The following CSMD1 variants were observed in gnomAD, a reference collection of about 807,000 sequenced individuals.
CSMD1 encodes the protein CUB and Sushi multiple domains 1.
In CSMD1, 213 loss-of-function variants were observed where a neutral mutation model predicts 417.5. That is an observed-to-expected ratio of 0.51 (90% confidence interval 0.46 to 0.57). The LOEUF is 0.57. Ranked by LOEUF, CSMD1 falls within the 20% of genes least tolerant of loss-of-function variation. The probability of loss-of-function intolerance (pLI) is 0.00; values close to 1 mark genes in which losing one functional copy is unlikely to be tolerated. For synonymous variants in CSMD1, 2,862 were observed against 1,736.8 expected (o/e 1.65, Z -16.11); for missense variants, 6,923 against 4,529.7 (o/e 1.53, Z -15.17).
chr8:4,388,843 T>G (rs1262012199), intron 3 of CSMD1, among the ~76,000 whole-genome samples: 1 of 152,238 alleles, frequency 6.6e-6, no homozygotes, highest in Non-Finnish European at 1.5e-5. Flanking sequence ...CCCTTTGATT[T>G]AAAAACCATT....
chr8:4,538,577 A>C (rs2130501904), intron 2 of CSMD1, among the ~76,000 whole-genome samples: 1 of 152,200 alleles, frequency 6.6e-6, no homozygotes, highest in African/African-American at 2.4e-5. Flanking sequence ...CAGGAGTTGG[A>C]CGTTGCAGTG....
At chr8:4,420,210 G>C (rs1797170484) in intron 2 of CSMD1, 145 bp from the exon 3 acceptor site, 1 of 506,134 alleles carries the variant, frequency 2.0e-6, no homozygotes, top group Non-Finnish European at 3.6e-6. Context: ...CATACACATA[G>C]CTTTGGTTGT....
At chr8:3,785,163 G>T (rs940680638) in intron 5 of CSMD1, among the ~76,000 whole-genome samples, 1 of 152,156 alleles carries the variant, frequency 6.6e-6, no homozygotes, top group Non-Finnish European at 1.5e-5. Flanking sequence ...TGGCCTTAGT[G>T]CCTGTCTGCA....
rs73500672 is a variant in CSMD1 at position 4,289,173 on chromosome 8, A to G, written c.415+130780T>C. On this transcript the variant is annotated intron_variant, in intron 3 of 69. Coordinates refer to ENST00000635120, the MANE Select transcript of CSMD1 (RefSeq NM_033225.6). The stretch of plus-strand genomic sequence containing the variant: ...CCCGTTCTAAGACAGTGTATATTAT[A>G]TAACAGTTTATCGGACAAATACTCT... Among the ~76,000 whole-genome samples the G allele has an allele frequency of 1.3e-3, 192 of 152,336 alleles. 1 individual carries two copies. Among genetic ancestry groups the G allele is most frequent in the African/African-American group, 4.4e-3 (181 of 41,584 alleles).
chr8:4,702,929 A>T (rs1027217548), intron 1 of CSMD1, among the ~76,000 whole-genome samples: 1 of 152,206 alleles, frequency 6.6e-6, no homozygotes, highest in Non-Finnish European at 1.5e-5. Context: ...GACTTCTAAA[A>T]TGACAAAATT....
chr8:4,918,216 G>C (rs759248779), intron 1 of CSMD1, among the ~76,000 whole-genome samples: 2 of 152,336 alleles, frequency 1.3e-5, no homozygotes, highest in African/African-American at 4.8e-5. Context: ...GATGCTGATC[G>C]AGGGATCAAG....
chr8:3,112,041 C>T (rs78460091), intron 42 of CSMD1, among the ~76,000 whole-genome samples: 16 of 151,884 alleles, frequency 1.1e-4, no homozygotes, highest in African/African-American at 3.4e-4. Flanking sequence ...CTGCTTGCTC[C>T]GGCTCTAGAG....
At chr8:4,802,923 G>A (rs780678954) in intron 1 of CSMD1, among the ~76,000 whole-genome samples, 1 of 152,126 alleles carries the variant, frequency 6.6e-6, no homozygotes, top group African/African-American at 2.4e-5. Flanking sequence ...ACTGGAGAGA[G>A]GCAGAATAAA....
intron 42 of CSMD1, among the ~76,000 whole-genome samples, chr8:3,111,874 A>G (rs937609852): frequency 6.6e-6 from 1 of 152,122 alleles, no homozygotes. Context: ...TGCTGTCCCC[A>G]TAACAAGCTA....
intron 2 of CSMD1, among the ~76,000 whole-genome samples, chr8:4,533,931 ATATAT>A (rs1796964435): frequency 6.7e-6 from 1 of 148,680 alleles, no homozygotes; most frequent in South Asian, 2.1e-4. Flanking sequence ...ACATATATTA[ATATAT>A]AATATACATA....
chr8:4,138,636 C>T (rs530014320), intron 3 of CSMD1, among the ~76,000 whole-genome samples: 1 of 147,120 alleles, frequency 6.8e-6, no homozygotes, highest in African/African-American at 2.4e-5. Context: ...GAAAAAACAT[C>T]TCTTAAGGTT....
At chr8:4,413,837 T>A (rs1796784379) in intron 3 of CSMD1, among the ~76,000 whole-genome samples, 1 of 152,136 alleles carries the variant, frequency 6.6e-6, no homozygotes, top group Admixed American at 6.5e-5. Flanking sequence ...TACTTCTACT[T>A]GTTATGAAAT....
At chr8:4,784,104 T>C (rs775492746) in intron 1 of CSMD1, among the ~76,000 whole-genome samples, 2 of 152,254 alleles carry the variant, frequency 1.3e-5, no homozygotes, top group Non-Finnish European at 2.9e-5. Context: ...TGTCTTGACA[T>C]TTATTAGAAG....
At chr8:4,301,198 C>T (rs1188219864) in intron 3 of CSMD1, among the ~76,000 whole-genome samples, 1 of 152,130 alleles carries the variant, frequency 6.6e-6, no homozygotes, top group Non-Finnish European at 1.5e-5. Flanking sequence ...GGGTAGTGGT[C>T]TGCTAAACTT....
At chr8:4,580,588 C>G (rs1042622201) in intron 2 of CSMD1, among the ~76,000 whole-genome samples, 2 of 152,150 alleles carry the variant, frequency 1.3e-5, no homozygotes, top group Non-Finnish European at 2.9e-5. Context: ...TTCTCCTCTT[C>G]CATCTCACCC....
chr8:4,302,130 C>T (rs765070512), intron 3 of CSMD1, among the ~76,000 whole-genome samples: 1 of 152,004 alleles, frequency 6.6e-6, no homozygotes, highest in Admixed American at 6.6e-5. Flanking sequence ...AGCTATCTTG[C>T]TAACAAAAAA....
chr8:4,949,110 G>A (rs1340340257), intron 1 of CSMD1, among the ~76,000 whole-genome samples: 1 of 152,022 alleles, frequency 6.6e-6, no homozygotes, highest in African/African-American at 2.4e-5. Flanking sequence ...TGTAAATGTG[G>A]TAAATGGTAA....
intron 10 of CSMD1, among the ~76,000 whole-genome samples, chr8:3,559,920 G>A (rs1799396989): frequency 6.6e-6 from 1 of 152,142 alleles, no homozygotes; most frequent in South Asian, 2.1e-4. Context: ...AGAGGTGAAG[G>A]AATTATTGCT....
At chr8:3,978,704 T>G (rs1813628646) in intron 5 of CSMD1, among the ~76,000 whole-genome samples, 1 of 152,104 alleles carries the variant, frequency 6.6e-6, no homozygotes, top group Non-Finnish European at 1.5e-5. Context: ...TATCACTAAT[T>G]GAGCACTCTG....
Sources: allele counts gnomAD v4.1 joint callset (sites outside exome capture counted in the v4.1 genomes callset), GRCh38; gene constraint gnomAD v4.1.1; transcripts MANE v1.5; gene names NCBI Gene and HGNC (gene_info 2026-07-23, HGNC 2026-07-21).